Variants in PLEKHG1 observed in about 807,000 individuals in gnomAD.
PLEKHG1 encodes pleckstrin homology domain-containing family G member 1.
Under a neutral mutation model 100.8 loss-of-function variants are expected in PLEKHG1, and 44 were observed. The observed-to-expected ratio is 0.44, with a 90% CI of 0.34 to 0.56. PLEKHG1 has a LOEUF of 0.56. Among genes scored for constraint, PLEKHG1 ranks in the 20% least tolerant of loss-of-function variants. PLEKHG1 has a pLI of 0.01. For missense variants in PLEKHG1, 1,545 were observed against 1,720.9 expected (o/e 0.90, Z 1.81); for synonymous variants, 640 against 662.5 (o/e 0.97, Z 0.52).
At chr6:150,749,935 G>A (rs1783398351) in intron 2 of PLEKHG1, among the ~76,000 whole-genome samples, 1 of 152,050 alleles carries the variant, frequency 6.6e-6, no homozygotes, top group African/African-American at 2.4e-5. Context: ...AGCCGGGCAT[G>A]GTGGCAGGTA....
chr6:150,698,661 G>A (rs934666775), intron 3 of PLEKHG1, among the ~76,000 whole-genome samples: 4 of 152,182 alleles, frequency 2.6e-5, no homozygotes, highest in Admixed American at 2.0e-4. Flanking sequence ...TAGGCCAGAC[G>A]ATACATAAAG....
intron 6 of PLEKHG1, among the ~76,000 whole-genome samples, chr6:150,804,169 A>ATTTT: frequency 2.7e-5 from 1 of 37,294 alleles, no homozygotes; most frequent in Non-Finnish European, 5.8e-5. Flanking sequence ...ATATATATAT[A>ATTTT]TATATATTTT....
intron 3 of PLEKHG1, among the ~76,000 whole-genome samples, chr6:150,697,245 T>G (rs1254614115): frequency 6.6e-6 from 1 of 152,254 alleles, no homozygotes; most frequent in Non-Finnish European, 1.5e-5. Flanking sequence ...TTGTAAATTC[T>G]CAACCTTTAA....
intron 2 of PLEKHG1, among the ~76,000 whole-genome samples, chr6:150,647,908 T>C (rs578168419): frequency 2.8e-4 from 42 of 152,294 alleles, no homozygotes; most frequent in Middle Eastern, 3.4e-3. Context: ...CTCATATTCC[T>C]ATAATAACTG....
rs1306707814 is a variant in PLEKHG1, at chr6:150,683,610, G to C, written c.-99+32824G>C. ...AGTCACGGTCATCACTTAGCTTCCT[G>C]TTGGGGAAAACCTTGGACACTGTGC... is the stretch of plus-strand genomic sequence containing the variant. On this transcript the variant is annotated intron_variant, in intron 3 of 3. Transcript: ENST00000367326. The surrounding 1 kb of genome is among the most constrained non-coding windows in gnomAD (Gnocchi z 4.0). The C allele has an allele frequency of 3.0e-6, 1 of 334,946 alleles. No homozygotes were observed. Among genetic ancestry groups the C allele is most frequent in the Admixed American group, 4.5e-5 (1 of 22,244 alleles). The allele number at this position is 334,946 out of a possible 1,614,324, so 20.7% of individuals were successfully genotyped here. A position where few individuals can be genotyped will look rare whatever the true frequency, so the allele number is the denominator to read the frequency against.
chr6:150,674,682 T>TCTCTCC (rs1455673564), intron 3 of PLEKHG1, among the ~76,000 whole-genome samples: 1,147 of 103,770 alleles, frequency 0.011, 41 homozygotes, highest in Non-Finnish European at 0.018. Context: ...TCTCTCTCTC[T>TCTCTCC]CCCCCCTCTT....
intron 2 of PLEKHG1, among the ~76,000 whole-genome samples, chr6:150,745,894 C>T (rs1741703182): frequency 6.6e-6 from 1 of 151,928 alleles, no homozygotes; most frequent in Non-Finnish European, 1.5e-5. Flanking sequence ...ACCAGCTGCC[C>T]ACACCGGCCA....
intron 3 of PLEKHG1, among the ~76,000 whole-genome samples, chr6:150,690,197 T>G (rs1562438722): frequency 6.6e-6 from 1 of 152,178 alleles, no homozygotes; most frequent in Non-Finnish European, 1.5e-5. Context: ...TTATTTATTT[T>G]ATTTTGGATT....
In PLEKHG1 at chr6:150,600,962, A is replaced by G. The variant is rs1776332658; in HGVS notation, c.-204+945A>G. The G allele has an allele frequency of 6.6e-6, 1 of 152,094 alleles. No homozygotes were observed. Among genetic ancestry groups the G allele is most frequent in the Admixed American group, 6.5e-5 (1 of 15,278 alleles). The allele number at this position is 152,094 out of a possible 1,614,324, so 9.4% of individuals were successfully genotyped here. A position where few individuals can be genotyped will look rare whatever the true frequency, so the allele number is the denominator to read the frequency against. On this transcript the variant is annotated intron_variant, in intron 1 of 3. Coordinates refer to the PLEKHG1 transcript ENST00000367326. This position sits in a 1 kb window ranked among gnomAD's most constrained non-coding sequence, Gnocchi z 6.2. Reference sequence around the variant, plus strand: ...GCAGGTGGCCGAGGCTACTGCACGTATTTTCGAAATCACCGAGTGTGGGTG... The same window carrying G: ...GCAGGTGGCCGAGGCTACTGCACGTGTTTTCGAAATCACCGAGTGTGGGTG...
chr6:150,715,641 C>T (rs1241933314), intron 3 of PLEKHG1, among the ~76,000 whole-genome samples: 1 of 151,236 alleles, frequency 6.6e-6, no homozygotes, highest in African/African-American at 2.4e-5. Flanking sequence ...GCATGCGCCA[C>T]CACGCCCAGC....
At position 150,814,345 on chromosome 6, in the gene PLEKHG1, C is replaced by T. The variant is rs149848173; in HGVS notation, c.1279-3838C>T. Among the ~76,000 whole-genome samples, 796 of 152,310 alleles carry T rather than the reference C, an allele frequency of 5.2e-3. 6 individuals are homozygous for T. Among genetic ancestry groups the T allele is most frequent in the African/African-American group, 0.018 (730 of 41,574 alleles). On this transcript the variant is annotated intron_variant, in intron 10 of 15. Coordinates refer to ENST00000358517, the Ensembl canonical transcript of PLEKHG1. ...CCCTTACATACCTGTCTTTCTCCCA[C>T]GCTAGGCGTGTGTGCCTCAGGAAGT...
chr6:150,776,459 C>T (rs1333150688), intron 3 of PLEKHG1, among the ~76,000 whole-genome samples: 1 of 134,096 alleles, frequency 7.5e-6, no homozygotes, highest in Non-Finnish European at 1.5e-5. Context: ...TTGCACATTA[C>T]TCACACTGAT....
chr6:150,605,108 C>T (rs1312827252), intron 1 of PLEKHG1, among the ~76,000 whole-genome samples: 3 of 152,168 alleles, frequency 2.0e-5, no homozygotes, highest in Non-Finnish European at 4.4e-5. Context: ...TCTATGTTTG[C>T]ACAGGAGTTT....
intron 3 of PLEKHG1, among the ~76,000 whole-genome samples, chr6:150,653,214 GAA>G (rs1014172890): frequency 6.6e-6 from 1 of 151,436 alleles, no homozygotes; most frequent in African/African-American, 2.4e-5. Flanking sequence ...AAAAACAGAA[GAA>G]AAAAAATGAA....
chr6:150,648,622 T>A (rs1778592914), intron 2 of PLEKHG1, among the ~76,000 whole-genome samples: 1 of 152,196 alleles, frequency 6.6e-6, no homozygotes. Flanking sequence ...TTACATCTTA[T>A]CTAAGTCAAA....
At chr6:150,837,269 G>A (rs940220943) in intron 15 of PLEKHG1, among the ~76,000 whole-genome samples, 2 of 152,238 alleles carry the variant, frequency 1.3e-5, no homozygotes, top group Non-Finnish European at 2.9e-5. Flanking sequence ...ACAGGCAACA[G>A]CTAGGTACAC....
intron 3 of PLEKHG1, among the ~76,000 whole-genome samples, chr6:150,682,189 C>T (rs1024548361): frequency 6.6e-6 from 1 of 152,146 alleles, no homozygotes; most frequent in African/African-American, 2.4e-5. Context: ...GGCCCAGCGA[C>T]ACTCCAGAAA....
intron 3 of PLEKHG1, among the ~76,000 whole-genome samples, chr6:150,677,544 A>G (rs566545530): frequency 2.6e-5 from 4 of 152,200 alleles, no homozygotes; most frequent in East Asian, 1.9e-4. Context: ...TTCCTGACAC[A>G]TGCAGACACA....
At chr6:150,762,731 G>A (rs1011349062) in intron 2 of PLEKHG1, among the ~76,000 whole-genome samples, 1 of 152,106 alleles carries the variant, frequency 6.6e-6, no homozygotes, top group Non-Finnish European at 1.5e-5. Flanking sequence ...TGTTTCTTTG[G>A]CTGTAACTTC....
Sources: gnomAD v4.1 joint callset for allele counts (sites outside exome capture counted in the v4.1 genomes callset) on GRCh38, gnomAD v4.1.1 for gene constraint, Gnocchi (gnomAD v3.1) non-coding constraint, MANE v1.5 for transcripts, NCBI Gene and HGNC (gene_info 2026-07-23, HGNC 2026-07-21) for gene names.